Variants in MOBP observed in about 807,000 individuals in gnomAD.
MOBP encodes the protein myelin associated oligodendrocyte basic protein.
A neutral mutation model predicts 15.0 loss-of-function variants in MOBP; 5 were observed. The ratio of observed to expected loss-of-function variants is 0.33; its 90% CI spans 0.17 to 0.70. MOBP has a LOEUF of 0.70. Among genes scored for constraint, MOBP ranks in the 30% least tolerant of loss-of-function variants. The pLI, the probability that MOBP is intolerant of heterozygous loss-of-function variation, is 0.67. For missense variants in MOBP, 188 were observed against 257.8 expected, an observed-to-expected ratio of 0.73 and a Z score of 1.85; for synonymous variants, 88 against 99.0, an observed-to-expected ratio of 0.89 and a Z score of 0.66.
intron 2 of MOBP, among the ~76,000 whole-genome samples, chr3:39,493,668 G>A (rs950122152): frequency 6.6e-6 from 1 of 152,216 alleles, no homozygotes; most frequent in African/African-American, 2.4e-5. Context: ...CAGTGAAACA[G>A]TAAGGGTAGC....
intron 2 of MOBP, chr3:39,500,178 T>A (rs1353816578): frequency 2.3e-6 from 1 of 429,442 alleles, no homozygotes; most frequent in Non-Finnish European, 4.7e-6. Flanking sequence ...TAGCACATTA[T>A]GTGCATTCTA....
chr3:39,496,311 G>A (rs2042881242), intron 2 of MOBP, among the ~76,000 whole-genome samples: 1 of 149,924 alleles, frequency 6.7e-6, no homozygotes, highest in Non-Finnish European at 1.5e-5. Context: ...CCATTCTCCT[G>A]CCTCAGCCTC....
intron 1 of MOBP, among the ~76,000 whole-genome samples, chr3:39,468,714 G>A (rs1257693720): frequency 7.4e-6 from 1 of 136,044 alleles, no homozygotes; most frequent in Non-Finnish European, 1.5e-5. Context: ...ACATATGTGT[G>A]TGTATATACA....
downstream of MOBP, among the ~76,000 whole-genome samples, chr3:39,504,082 G>A (rs2043016934): frequency 1.3e-5 from 2 of 152,202 alleles, no homozygotes; most frequent in African/African-American, 2.4e-5. Flanking sequence ...AAGAAATGTG[G>A]AGAGTGATAA....
At chr3:39,468,723 C>T (rs58994902) in intron 1 of MOBP, among the ~76,000 whole-genome samples, 6 of 116,778 alleles carry the variant, frequency 5.1e-5, no homozygotes, top group South Asian at 5.1e-4. Flanking sequence ...TGTGTATATA[C>T]ATATATACAT....
chr3:39,521,225 A>G (rs561329869), intron 3 of MOBP, among the ~76,000 whole-genome samples: 15 of 152,342 alleles, frequency 9.8e-5, no homozygotes, highest in African/African-American at 3.1e-4. Context: ...TGCTGGGATT[A>G]TAGGTGTGAG....
intron 1 of MOBP, among the ~76,000 whole-genome samples, chr3:39,477,586 A>G (rs1208692778): frequency 6.6e-6 from 1 of 151,356 alleles, no homozygotes; most frequent in African/African-American, 2.4e-5. Flanking sequence ...TTTTATTGTT[A>G]TTTTAGAGTG....
In MOBP at chr3:39,502,818, C is replaced by A; in HGVS notation, c.490C>A (p.Pro164Thr). ...QKSKQQPRSS[P>T]LRGPGASRGG... The stretch of plus-strand genomic sequence containing the variant: ...GTCCAAGCAACAGCCGCGCAGCAGC[C>A]CCCTCAGAGGGCCAGGCGCCAGCCG... The change falls in exon 4 of 4, where the codon CCC becomes ACC. Residue 164 changes from proline to threonine, a missense_variant. Pro to Thr is a conservative substitution (Grantham distance 38). Coordinates refer to ENST00000684792, the MANE Select transcript of MOBP (RefSeq NM_001393704.1). The surrounding 1 kb of genome is among the most constrained non-coding windows in gnomAD (Gnocchi z 6.3). 1.3e-6 allele frequency: 2 copies of A among 1,530,772 alleles called. No homozygotes were observed. Among genetic ancestry groups the A allele is most frequent in the Non-Finnish European group, 1.7e-6 (2 of 1,142,928 alleles). The allele number at this position is 1,530,772 out of a possible 1,614,324, so 94.8% of individuals were successfully genotyped here. A position where few individuals can be genotyped will look rare whatever the true frequency, so the allele number is the denominator to read the frequency against.
At position 39,513,077 on chromosome 3, in the gene MOBP, T is replaced by G. The variant is rs200210630; in HGVS notation, c.*-306T>G. Among the ~76,000 whole-genome samples, 6 of 152,346 alleles carry G rather than the reference T, an allele frequency of 3.9e-5. No homozygotes were observed. In the East Asian group the frequency reaches 1.2e-3, roughly 29 times the overall value. The stretch of plus-strand genomic sequence containing the variant: ...TATTTTTTCCAGGAGTGGGTGTACT[T>G]TAATTTCCTTTGTGTTTTTCTATGT... On this transcript the variant is annotated intron_variant, in intron 4 of 4. Transcript: ENST00000311042.
intron 1 of MOBP, among the ~76,000 whole-genome samples, chr3:39,472,848 C>T (rs769821406): frequency 3.9e-5 from 6 of 152,194 alleles, no homozygotes; most frequent in Non-Finnish European, 7.3e-5. Flanking sequence ...ATCATTTAAG[C>T]CTGGGAGGTC....
downstream of MOBP, among the ~76,000 whole-genome samples, chr3:39,506,883 A>G (rs969832229): frequency 2.0e-5 from 3 of 152,174 alleles, no homozygotes; most frequent in East Asian, 1.9e-4. Flanking sequence ...CCCAATCTGT[A>G]TATCAGTGGT....
At chr3:39,480,762 T>A (rs1468356715) in intron 2 of MOBP, among the ~76,000 whole-genome samples, 1 of 152,216 alleles carries the variant, frequency 6.6e-6, no homozygotes, top group Non-Finnish European at 1.5e-5. Flanking sequence ...CTTAGGTGAC[T>A]TTACTATTTA....
At chr3:39,477,161 C>T (rs867743212) in intron 1 of MOBP, among the ~76,000 whole-genome samples, 2 of 152,136 alleles carry the variant, frequency 1.3e-5, no homozygotes, top group Non-Finnish European at 2.9e-5. Flanking sequence ...CACAGTGTCT[C>T]CTCATTAATA....
At chr3:39,521,247 G>C (rs530368001) in intron 3 of MOBP, among the ~76,000 whole-genome samples, 1 of 152,258 alleles carries the variant, frequency 6.6e-6, no homozygotes, top group South Asian at 2.1e-4. Flanking sequence ...CACAATGCCT[G>C]GCCAGACAGC....
At chr3:39,470,634 A>T (rs1481533403) in intron 1 of MOBP, among the ~76,000 whole-genome samples, 1 of 152,240 alleles carries the variant, frequency 6.6e-6, no homozygotes, top group Non-Finnish European at 1.5e-5. Flanking sequence ...GCAATATTTT[A>T]AAATAATTTT....
downstream of MOBP, among the ~76,000 whole-genome samples, chr3:39,504,619 C>A (rs529304): frequency 0.92 from 139,732 of 152,332 alleles, 64,735 homozygotes; most frequent in Middle Eastern, 0.98. Flanking sequence ...GTAATGTCCC[C>A]TGACTTCACT....
rs2042987084 is a variant in MOBP at position 39,502,491 on chromosome 3, G to A, written c.207-44G>A. ...CTGCCAGCGTCGCTTAAGCAGCAGA[G>A]GAGAGCCCTGGCTCCCGCCTCCAGC... is the stretch of plus-strand genomic sequence containing the variant. On this transcript the variant is annotated intron_variant, in intron 3 of 3. Coordinates refer to ENST00000684792, the MANE Select transcript of MOBP (RefSeq NM_001393704.1). The surrounding 1 kb of genome is among the most constrained non-coding windows in gnomAD (Gnocchi z 6.3). 1 of 1,548,250 alleles carries A rather than the reference G, an allele frequency of 6.5e-7. No individual in the cohort carries two copies. The highest frequency in any genetic ancestry group is 1.2e-5 in the South Asian group (1 of 84,736).
At chr3:39,514,627 T>G (rs1049589289) in exon 5 of MOBP, 2 of 152,206 alleles carry the variant, frequency 1.3e-5, no homozygotes, top group Non-Finnish European at 1.5e-5. Flanking sequence ...AGGGGTGAGT[T>G]ATAGGAGGTT....
intron 1 of MOBP, among the ~76,000 whole-genome samples, chr3:39,476,690 CAGTT>C (rs1317093086): frequency 6.6e-6 from 1 of 152,054 alleles, no homozygotes; most frequent in African/African-American, 2.4e-5. Flanking sequence ...TTATTGTAGT[CAGTT>C]TCATTATTCA....
Sources: gnomAD v4.1 joint callset for allele counts (sites outside exome capture counted in the v4.1 genomes callset) on GRCh38, gnomAD v4.1.1 for gene constraint, Gnocchi (gnomAD v3.1) non-coding constraint, MANE v1.5 for transcripts, NCBI Gene and HGNC (gene_info 2026-07-23, HGNC 2026-07-21) for gene names.